UBAC2: variants seen among roughly 807,000 people sequenced by gnomAD.
The protein encoded by UBAC2 is UBA domain containing 2.
UBAC2 carries 26 observed loss-of-function variants against 44.0 expected under a neutral mutation model. The observed-to-expected ratio is 0.59, with a 90% CI of 0.43 to 0.82. The LOEUF (loss-of-function observed/expected upper bound fraction) is 0.82, where lower values mean the gene tolerates loss of function less well. Among genes scored for constraint, UBAC2 ranks in the 40% least tolerant of loss-of-function variants. The pLI is 0.00. For synonymous variants in UBAC2, 155 were observed against 154.3 expected (o/e 1.00, Z -0.04); for missense variants, 329 against 419.4 (o/e 0.78, Z 1.88).
At chr13:99,364,075 G>A (rs1476964659) in intron 7 of UBAC2, among the ~76,000 whole-genome samples, 1 of 151,924 alleles carries the variant, frequency 6.6e-6, no homozygotes, top group Non-Finnish European at 1.5e-5. Context: ...GATTTTCTAG[G>A]TAGACAGTCA....
At chr13:99,208,743 G>A (rs1171259831) in intron 1 of UBAC2, among the ~76,000 whole-genome samples, 1 of 152,192 alleles carries the variant, frequency 6.6e-6, no homozygotes, top group African/African-American at 2.4e-5. Flanking sequence ...ATAGGAGGAG[G>A]AAGGAGAGGT....
At chr13:99,335,713 GT>G (rs2044778969) in intron 6 of UBAC2, among the ~76,000 whole-genome samples, 1 of 152,230 alleles carries the variant, frequency 6.6e-6, no homozygotes, top group Non-Finnish European at 1.5e-5. Context: ...CTCTGCAGCT[GT>G]TCCCCTCTTG....
chr13:99,312,006 C>T lies in UBAC2; in HGVS notation c.390-2091C>T, dbSNP rs369637540. Among the ~76,000 whole-genome samples the T allele has an allele frequency of 1.9e-4, 29 of 152,384 alleles. No individual in the cohort carries two copies. In the East Asian group the frequency reaches 4.0e-3, roughly 21 times the overall value. Reference sequence around the variant, plus strand: ...CATCTCTGTGTCCCCAGTCCTGACACAGTGCCTGCACTTAGGCCTTACTGG... The same window carrying T: ...CATCTCTGTGTCCCCAGTCCTGACATAGTGCCTGCACTTAGGCCTTACTGG... On this transcript the variant is annotated intron_variant, in intron 4 of 8. Coordinates refer to ENST00000403766, the MANE Select transcript of UBAC2 (RefSeq NM_001144072.2).
chr13:99,308,234 G>C (rs1285841541), intron 4 of UBAC2, among the ~76,000 whole-genome samples: 1 of 152,188 alleles, frequency 6.6e-6, no homozygotes. Flanking sequence ...GCCACTTCTG[G>C]GTGCTGCTTT....
At chr13:99,326,077 A>T (rs1157553851) in intron 6 of UBAC2, among the ~76,000 whole-genome samples, 1 of 152,154 alleles carries the variant, frequency 6.6e-6, no homozygotes, top group Non-Finnish European at 1.5e-5. Context: ...GCTGGATCAT[A>T]TTAGTTCTAT....
At chr13:99,219,912 C>A (rs543011123) in intron 1 of UBAC2, among the ~76,000 whole-genome samples, 2 of 152,204 alleles carry the variant, frequency 1.3e-5, no homozygotes, top group African/African-American at 2.4e-5. Context: ...CCTCTTATGA[C>A]TGAATAATAT....
rs183616975 is a variant in UBAC2 at position 99,245,462 on chromosome 13, G to A, written c.389+838G>A. On this transcript the variant is annotated intron_variant, in intron 4 of 8. Transcript: ENST00000403766. ...AATTTGTATGCTTTCATATTGCGTT[G>A]ATCTTCTTTAAAAAAAACAAAAACC... Among the ~76,000 whole-genome samples the A allele has an allele frequency of 2.3e-3, 347 of 152,210 alleles. 2 individuals are homozygous for A. The highest frequency in any genetic ancestry group is 8.1e-3 in the African/African-American group (337 of 41,526).
chr13:99,383,179 C>T (rs1055026966), intron 8 of UBAC2, among the ~76,000 whole-genome samples: 25 of 152,170 alleles, frequency 1.6e-4, no homozygotes, highest in African/African-American at 5.8e-4. Context: ...TGTGCACGCT[C>T]TTGTGTAAGG....
At chr13:99,232,598 A>G (rs1594025700) in intron 1 of UBAC2, among the ~76,000 whole-genome samples, 1 of 152,192 alleles carries the variant, frequency 6.6e-6, no homozygotes, top group East Asian at 1.9e-4. Flanking sequence ...TATTTAAGAG[A>G]GAAACGACAG....
intron 4 of UBAC2, chr13:99,255,891 G>A (rs370686759): frequency 1.3e-6 from 2 of 1,514,068 alleles, no homozygotes; most frequent in Non-Finnish European, 1.8e-6. Context: ...TTGTTGGTAG[G>A]CATGATACTT....
At chr13:99,238,644 C>G (rs1378400065) in intron 2 of UBAC2, 90 bp downstream of exon 2, 2 of 1,163,410 alleles carry the variant, frequency 1.7e-6, no homozygotes, top group Admixed American at 2.7e-5. Flanking sequence ...CTGTTAGTCC[C>G]TCAAAGCCCC....
At chr13:99,320,023 T>C (rs1207982949) in intron 6 of UBAC2, among the ~76,000 whole-genome samples, 2 of 152,254 alleles carry the variant, frequency 1.3e-5, no homozygotes, top group Non-Finnish European at 2.9e-5. Context: ...TACGATTTCA[T>C]TGTGTTAGTT....
At chr13:99,372,438 GC>G in intron 8 of UBAC2, 1 of 153,872 alleles carries the variant, frequency 6.5e-6, no homozygotes, top group Non-Finnish European at 1.5e-5. Context: ...GGCCCCTAAT[GC>G]CCCCCAAAGA....
At chr13:99,218,498 T>A (rs2142678551) in intron 1 of UBAC2, among the ~76,000 whole-genome samples, 1 of 152,262 alleles carries the variant, frequency 6.6e-6, no homozygotes, top group African/African-American at 2.4e-5. Context: ...CCTGACCTTT[T>A]TTTTTTTTTC....
intron 4 of UBAC2, among the ~76,000 whole-genome samples, chr13:99,296,509 T>G (rs1174756041): frequency 1.3e-5 from 2 of 152,190 alleles, no homozygotes; most frequent in Non-Finnish European, 2.9e-5. Flanking sequence ...CCCCTTCCCT[T>G]TTTTGAATCA....
At chr13:99,355,395 G>A (rs1343827475) in intron 7 of UBAC2, among the ~76,000 whole-genome samples, 5 of 152,152 alleles carry the variant, frequency 3.3e-5, no homozygotes, top group Admixed American at 2.6e-4. Context: ...GGCCCTTACC[G>A]TCACCAGCGT....
At chr13:99,333,017 T>A (rs567440171) in intron 6 of UBAC2, among the ~76,000 whole-genome samples, 1 of 152,288 alleles carries the variant, frequency 6.6e-6, no homozygotes, top group East Asian at 1.9e-4. Context: ...ACCCCAGCAC[T>A]TGGGGAGGCC....
At chr13:99,303,005 C>T (rs1350956496) in intron 4 of UBAC2, among the ~76,000 whole-genome samples, 1 of 24,542 alleles carries the variant, frequency 4.1e-5, no homozygotes, top group Non-Finnish European at 7.2e-5. Flanking sequence ...GTTTGGGGGA[C>T]CTCCCCTGCC....
intron 1 of UBAC2, among the ~76,000 whole-genome samples, chr13:99,231,691 G>A (rs1337274965): frequency 6.6e-6 from 1 of 151,928 alleles, no homozygotes; most frequent in Non-Finnish European, 1.5e-5. Flanking sequence ...GATTATAGAT[G>A]TGAGCCACCA....
Sources: allele counts gnomAD v4.1 joint callset (sites outside exome capture counted in the v4.1 genomes callset), GRCh38; gene constraint gnomAD v4.1.1; transcripts MANE v1.5; gene names NCBI Gene and HGNC (gene_info 2026-07-23, HGNC 2026-07-21).